Variants in ERLIN1 observed in about 807,000 individuals in gnomAD.
ERLIN1 encodes erlin-1.
ERLIN1 carries 24 observed loss-of-function variants against 46.9 expected under a neutral mutation model. The ratio of observed to expected loss-of-function variants is 0.51; its 90% confidence interval spans 0.37 to 0.72. The LOEUF (loss-of-function observed/expected upper bound fraction) is 0.72. Among genes scored for constraint, ERLIN1 ranks in the 30% least tolerant of loss-of-function variants. ERLIN1 has a pLI of 0.00. For missense variants in ERLIN1, 293 were observed against 417.9 expected (o/e 0.70, Z 2.61); for synonymous variants, 158 against 143.2 (o/e 1.10, Z -0.74).
intron 3 of ERLIN1, 88 bp downstream of exon 3, chr10:100,179,113 A>G: frequency 2.0e-6 from 2 of 1,013,486 alleles, no homozygotes; most frequent in South Asian, 1.4e-5. Flanking sequence ...TATCATGCCT[A>G]TTTGAGATAT....
intron 8 of ERLIN1, among the ~76,000 whole-genome samples, chr10:100,158,328 C>G (rs1843179233): frequency 6.6e-6 from 1 of 152,114 alleles, no homozygotes. Context: ...AGAAGAAAGG[C>G]TGATTACTCA....
At chr10:100,164,197 A>G (rs773802356) in intron 7 of ERLIN1, 102 bp from the exon 8 acceptor site, 26 of 714,026 alleles carry the variant, frequency 3.6e-5, no homozygotes, top group Non-Finnish European at 5.4e-5. Flanking sequence ...TTTTGTCAAC[A>G]TGAGCTTTTG....
At chr10:100,179,324 T>G in intron 2 of ERLIN1, 77 bp from the exon 3 acceptor site, 13 of 987,756 alleles carry the variant, frequency 1.3e-5, no homozygotes, top group East Asian at 2.6e-5. Flanking sequence ...GGCAAATCTC[T>G]GGAAAGCTGC....
chr10:100,177,145 C>T (rs1844358858), intron 4 of ERLIN1, among the ~76,000 whole-genome samples: 1 of 151,932 alleles, frequency 6.6e-6, no homozygotes, highest in Non-Finnish European at 1.5e-5. Context: ...AATTAATGGA[C>T]AGGCCATTAA....
In ERLIN1 at chr10:100,171,935, A is replaced by G. The variant is rs541174431; in HGVS notation, c.504+2273T>C. On this transcript the variant is annotated intron_variant, in intron 6 of 10. Transcript: ENST00000421367. ...TCATGCAATCAAATGTGTAAGAACTACAGCTTACCAACACTGCTAATGAGG... is the reference window on the plus strand; with the variant it reads ...TCATGCAATCAAATGTGTAAGAACTGCAGCTTACCAACACTGCTAATGAGG... 2.0e-5 allele frequency among the ~76,000 whole-genome samples: 3 copies of G among 152,202 alleles called. No individual in the cohort carries two copies. The South Asian group carries it at 6.2e-4, about 31-fold the overall frequency.
intron 8 of ERLIN1, among the ~76,000 whole-genome samples, chr10:100,156,632 A>G (rs1360803713): frequency 2.0e-5 from 3 of 152,236 alleles, no homozygotes; most frequent in South Asian, 2.1e-4. Flanking sequence ...AATGAGTGAC[A>G]TAAGTTAAAC....
chr10:100,169,671 A>C (rs370422217), intron 6 of ERLIN1, among the ~76,000 whole-genome samples: 15 of 152,100 alleles, frequency 9.9e-5, no homozygotes, highest in African/African-American at 3.4e-4. Context: ...CATTAAATCC[A>C]TTGGTATTAA....
chr10:100,162,715 T>C (rs1843422054), intron 8 of ERLIN1, among the ~76,000 whole-genome samples: 1 of 152,132 alleles, frequency 6.6e-6, no homozygotes, highest in Admixed American at 6.5e-5. Context: ...AACATAAATA[T>C]ATAAGCTCTG....
Position 100,154,890 on chromosome 10 carries a change from A to C in ERLIN1, c.795T>G (p.Tyr265Ter). The C allele has an allele frequency of 6.2e-7, 1 of 1,613,988 alleles. No homozygotes were observed. The highest frequency in any genetic ancestry group is 8.5e-7 in the Non-Finnish European group (1 of 1,179,864). Reference protein sequence around the residue: ...REKAKADAEYYAAHKYATSNK... With the variant: ...REKAKADAEY ...TTGAGGTGGCATATTTGTGTGCAGC[A>C]TAATATTCAGCATCTGCTTTCGCTT... Residue 265 changes from tyrosine (Y) to a stop codon, truncating the protein, a stop_gained, in exon 10 of 11, where the codon TAT (tyrosine) becomes TAG (stop). Transcript: ENST00000421367. LOFTEE classifies it high-confidence loss of function.
intron 9 of ERLIN1, 67 bp from the exon 10 acceptor site, chr10:100,155,006 T>C: frequency 1.6e-6 from 2 of 1,272,752 alleles, no homozygotes; most frequent in Non-Finnish European, 2.3e-6. Context: ...CTTTCCCCAC[T>C]GCTTAATATT....
intron 8 of ERLIN1, among the ~76,000 whole-genome samples, chr10:100,162,993 T>C (rs1564803337): frequency 6.6e-6 from 1 of 152,104 alleles, no homozygotes; most frequent in African/African-American, 2.4e-5. Context: ...AACTCCTCAT[T>C]GGTAATTCAT....
Position 100,150,691 on chromosome 10 carries a change from A to G in ERLIN1, c.*1440T>C, listed in dbSNP as rs1021091818. On this transcript the variant is annotated 3_prime_UTR_variant, in exon 11 of 11. Coordinates refer to ENST00000421367, the MANE Select transcript of ERLIN1 (RefSeq NM_006459.4). The stretch of plus-strand genomic sequence containing the variant: ...ATGAGACTGACAGGCCTGACAGCTG[A>G]AAGATTTCTAGAAGTGGTCCCATGA... 5 of 152,620 alleles carry G rather than the reference A, an allele frequency of 3.3e-5. No homozygotes were observed. The highest frequency in any genetic ancestry group is 7.3e-5 in the Non-Finnish European group (5 of 68,038). The allele number at this position is 152,620 out of a possible 1,614,324, so 9.5% of individuals were successfully genotyped here.
Position 100,151,742 on chromosome 10 carries a change from T to C in ERLIN1, c.*389A>G, listed in dbSNP as rs1711075511. Reference sequence around the variant, plus strand: ...TTACCATCTCCTTCTCAGTCATCTCTTGAATGGTGGCTGAGCATACATTTC... The same window carrying C: ...TTACCATCTCCTTCTCAGTCATCTCCTGAATGGTGGCTGAGCATACATTTC... On this transcript the variant is annotated 3_prime_UTR_variant, in exon 11 of 11. Transcript: ENST00000421367. The C allele has an allele frequency of 6.3e-6, 2 of 315,860 alleles. No homozygotes were observed. The highest frequency in any genetic ancestry group is 1.2e-5 in the Non-Finnish European group (2 of 161,734). 19.6% of individuals were successfully genotyped at this position (315,860 alleles called of 1,614,324 possible). A position where few individuals can be genotyped will look rare whatever the true frequency, so the allele number is the denominator to read the frequency against.
chr10:100,155,675 C>G (rs555122688), intron 9 of ERLIN1, among the ~76,000 whole-genome samples: 2 of 151,914 alleles, frequency 1.3e-5, no homozygotes, highest in African/African-American at 4.8e-5. Flanking sequence ...CCACCACGCC[C>G]GGCTAATTTT....
At chr10:100,184,211 T>C (rs1337498187) in intron 1 of ERLIN1, among the ~76,000 whole-genome samples, 2 of 152,142 alleles carry the variant, frequency 1.3e-5, no homozygotes, top group Admixed American at 1.3e-4. Flanking sequence ...AATCAAAATA[T>C]ATAATACATT....
At chr10:100,174,386 G>GTAC in intron 5 of ERLIN1, 105 bp from the exon 6 acceptor site, 2 of 816,082 alleles carry the variant, frequency 2.5e-6, no homozygotes, top group African/African-American at 3.4e-5. Context: ...AGTTTCCACA[G>GTAC]TACTATTCTT....
Position 100,152,088 on chromosome 10 carries a change from CT to C in ERLIN1, c.*42del. 1 of 1,269,020 alleles carries C rather than the reference CT, an allele frequency of 7.9e-7. No homozygotes were observed. The highest frequency in any genetic ancestry group is 1.2e-5 in the South Asian group (1 of 83,504). 78.6% of individuals were successfully genotyped at this position (1,269,020 alleles called of 1,614,324 possible). On this transcript the variant is annotated 3_prime_UTR_variant, in exon 11 of 11. Coordinates refer to ENST00000421367, the MANE Select transcript of ERLIN1 (RefSeq NM_006459.4). ...TATAATGATTGTTCCCACTTAACCC[CT>C]TGGGCCACATCTTGATATGGAGAAC... is the stretch of plus-strand genomic sequence containing the variant.
rs538139744 is a variant in ERLIN1 at position 100,154,365 on chromosome 10, G to C, written c.825+495C>G. Reference sequence around the variant, plus strand: ...AAGGGGCATATGGAAATACATGCATGTGTGTGTGGCAGTTAAAACAACTGG... The same window carrying C: ...AAGGGGCATATGGAAATACATGCATCTGTGTGTGGCAGTTAAAACAACTGG... On this transcript the variant is annotated intron_variant, in intron 10 of 10. Coordinates refer to ENST00000421367, the MANE Select transcript of ERLIN1 (RefSeq NM_006459.4). Among the ~76,000 whole-genome samples, 4 of 152,290 alleles carry C rather than the reference G, an allele frequency of 2.6e-5. No homozygotes were observed. In the South Asian group the frequency reaches 8.3e-4, roughly 32 times the overall value.
chr10:100,165,277 C>T (rs1843567550), intron 7 of ERLIN1, among the ~76,000 whole-genome samples: 1 of 152,178 alleles, frequency 6.6e-6, no homozygotes, highest in Non-Finnish European at 1.5e-5. Flanking sequence ...CAAAGTTTCC[C>T]CTTTCCTCTG....
Sources: allele counts gnomAD v4.1 joint callset (sites outside exome capture counted in the v4.1 genomes callset), GRCh38; gene constraint gnomAD v4.1.1; transcripts MANE v1.5; gene names NCBI Gene and HGNC (gene_info 2026-07-23, HGNC 2026-07-21).